Variants in ROR1 observed in about 807,000 individuals in gnomAD.
ROR1 encodes the protein ROR family WNT receptor 1.
Under a neutral mutation model 78.8 loss-of-function variants are expected in ROR1, and 19 were observed. That is an observed-to-expected ratio of 0.24 (90% CI 0.17 to 0.35). The LOEUF (loss-of-function observed/expected upper bound fraction) is 0.35. Ranked by LOEUF, ROR1 falls within the 10% of genes least tolerant of loss-of-function variation. The pLI, the probability that ROR1 is intolerant of heterozygous loss-of-function variation, is 1.00. For synonymous variants in ROR1, 386 were observed against 433.6 expected (o/e 0.89, Z 1.36); for missense variants, 917 against 1,177.8 (o/e 0.78, Z 3.24).
chr1:63,903,366 C>T (rs1645501217), intron 1 of ROR1, among the ~76,000 whole-genome samples: 1 of 151,892 alleles, frequency 6.6e-6, no homozygotes. Flanking sequence ...CCCTTCCACT[C>T]CCACTTGATG....
intron 1 of ROR1, among the ~76,000 whole-genome samples, chr1:63,798,432 G>GGGA (rs1002806348): frequency 2.6e-5 from 4 of 152,052 alleles, no homozygotes; most frequent in Admixed American, 1.3e-4. Flanking sequence ...CAGTTTTTGG[G>GGGA]GGAGGAGGAG....
intron 1 of ROR1, among the ~76,000 whole-genome samples, chr1:63,883,986 C>A (rs1645340414): frequency 6.6e-6 from 1 of 152,178 alleles, no homozygotes; most frequent in South Asian, 2.1e-4. Flanking sequence ...CACCTGTTTA[C>A]ATTGCCAAGC....
intron 1 of ROR1, among the ~76,000 whole-genome samples, chr1:63,850,069 T>C (rs1334747754): frequency 6.6e-5 from 10 of 152,262 alleles, no homozygotes; most frequent in Admixed American, 5.9e-4. Context: ...TGTGCATAAA[T>C]GCACTGAGTG....
chr1:63,882,477 A>G (rs662986), intron 1 of ROR1, among the ~76,000 whole-genome samples: 135,083 of 152,208 alleles, frequency 0.89, 60,554 homozygotes, highest in East Asian at 1. Flanking sequence ...AGAAGACACA[A>G]TGTTTGGAAG....
At chr1:63,860,870 T>A (rs1158350684) in intron 1 of ROR1, among the ~76,000 whole-genome samples, 1 of 151,538 alleles carries the variant, frequency 6.6e-6, no homozygotes, top group Non-Finnish European at 1.5e-5. Flanking sequence ...TGTTTTTGAG[T>A]AAAAGAAATA....
chr1:64,084,787 A>G (rs183315717), intron 4 of ROR1, among the ~76,000 whole-genome samples: 275 of 152,310 alleles, frequency 1.8e-3, no homozygotes, highest in African/African-American at 6.2e-3. Flanking sequence ...GCTGACTTTG[A>G]AGTATAATTT....
intron 8 of ROR1, among the ~76,000 whole-genome samples, chr1:64,173,612 T>C (rs1053193143): frequency 6.6e-6 from 1 of 152,234 alleles, no homozygotes; most frequent in African/African-American, 2.4e-5. Flanking sequence ...CTGAAAATTC[T>C]TGATACTTTC....
At position 64,142,976 on chromosome 1, in the gene ROR1, T is replaced by C. The variant is rs367805478; in HGVS notation, c.1174+326T>C. 1.5e-4 allele frequency: 170 copies of C among 1,124,664 alleles called. 1 individual carries two copies. In the African/African-American group the frequency reaches 2.3e-3, roughly 15 times the overall value. The allele number at this position is 1,124,664 out of a possible 1,614,324, so 69.7% of individuals were successfully genotyped here. ...AAGATGTTACCCAGAATGGTCTGCG[T>C]CCAAGTGGACCTTTTCAGCAAAAAA... On this transcript the variant is annotated intron_variant, in intron 7 of 8. Transcript: ENST00000371079.
chr1:63,946,880 C>T (rs773693868), intron 1 of ROR1, among the ~76,000 whole-genome samples: 1 of 152,148 alleles, frequency 6.6e-6, no homozygotes, highest in Non-Finnish European at 1.5e-5. Context: ...CCACCACATG[C>T]CTGGCTCCTA....
intron 4 of ROR1, among the ~76,000 whole-genome samples, chr1:64,132,282 C>A (rs1452819141): frequency 6.6e-6 from 1 of 152,134 alleles, no homozygotes; most frequent in Non-Finnish European, 1.5e-5. Flanking sequence ...TATCTACCAC[C>A]TTTTGTCTAT....
intron 1 of ROR1, among the ~76,000 whole-genome samples, chr1:63,835,822 T>C (rs1169758112): frequency 6.6e-6 from 1 of 152,236 alleles, no homozygotes; most frequent in East Asian, 1.9e-4. Flanking sequence ...TTTTTGCAAG[T>C]ATTCAGATCT....
intron 8 of ROR1, among the ~76,000 whole-genome samples, chr1:64,168,458 T>A (rs1475381261): frequency 6.6e-6 from 1 of 152,202 alleles, no homozygotes; most frequent in African/African-American, 2.4e-5. Context: ...ATTACAGATA[T>A]CTAGGATAGG....
chr1:63,985,858 A>G (rs1229584185), intron 1 of ROR1, among the ~76,000 whole-genome samples: 1 of 152,126 alleles, frequency 6.6e-6, no homozygotes, highest in Non-Finnish European at 1.5e-5. Context: ...TTGTATGCAA[A>G]TATTCTAAAA....
intron 1 of ROR1, among the ~76,000 whole-genome samples, chr1:63,934,897 G>A (rs1645782494): frequency 6.6e-6 from 1 of 151,928 alleles, no homozygotes; most frequent in African/African-American, 2.4e-5. Flanking sequence ...ATCCCACATT[G>A]TAAATTATTT....
intron 2 of ROR1, among the ~76,000 whole-genome samples, chr1:64,015,452 A>G (rs1235449587): frequency 6.6e-6 from 1 of 152,116 alleles, no homozygotes; most frequent in East Asian, 1.9e-4. Flanking sequence ...ATCAAGGCCT[A>G]TGACCAGGTT....
chr1:64,180,724 A>G lies in ROR1; in HGVS notation c.*1869A>G, dbSNP rs1011537621. The G allele has an allele frequency of 6.6e-6, 1 of 152,206 alleles. No individual in the cohort carries two copies. Among genetic ancestry groups the G allele is most frequent in the Non-Finnish European group, 1.5e-5 (1 of 67,998 alleles). 9.4% of individuals were successfully genotyped at this position (152,206 alleles called of 1,614,324 possible). Reference sequence around the variant, plus strand: ...TTCAAACCACAATTTTGTATATCATATGACAATCAATTGTTTTCCAAGAAT... The same window carrying G: ...TTCAAACCACAATTTTGTATATCATGTGACAATCAATTGTTTTCCAAGAAT... On this transcript the variant is annotated 3_prime_UTR_variant, in exon 9 of 9. Transcript: ENST00000371079.
chr1:63,971,031 T>A (rs1646115778), intron 1 of ROR1, among the ~76,000 whole-genome samples: 2 of 152,308 alleles, frequency 1.3e-5, no homozygotes, highest in Admixed American at 1.3e-4. Context: ...TCAGACAGTA[T>A]CCCTGGTTGC....
At chr1:63,847,694 T>A (rs960566397) in intron 1 of ROR1, among the ~76,000 whole-genome samples, 2 of 152,188 alleles carry the variant, frequency 1.3e-5, no homozygotes, top group African/African-American at 4.8e-5. Flanking sequence ...ATATGTGAAT[T>A]AAAGAAAACA....
At position 64,140,244 on chromosome 1, in the gene ROR1, G is replaced by A. The variant is rs772790687; in HGVS notation, c.746G>A (p.Arg249His). The A allele has an allele frequency of 1.5e-5, 24 of 1,613,962 alleles. No individual in the cohort carries two copies. The highest frequency in any genetic ancestry group is 8.8e-5 in the South Asian group (8 of 91,074). Reference protein sequence around the residue: ...SSVPKPRDLCRDECEILENVL... With the variant: ...SSVPKPRDLCHDECEILENVL... ...GTCCCAAAGCCCCGTGACTTGTGTC[G>A]CGATGAATGTGAAATCCTGGAGAAT... Residue 249 changes from arginine to histidine, a missense_variant, in exon 6 of 9, where the codon CGC (arginine) becomes CAC (histidine). Coordinates refer to ENST00000371079, the MANE Select transcript of ROR1 (RefSeq NM_005012.4).
Sources: gnomAD v4.1 joint callset for allele counts (sites outside exome capture counted in the v4.1 genomes callset) on GRCh38, gnomAD v4.1.1 for gene constraint, MANE v1.5 for transcripts, NCBI Gene and HGNC (gene_info 2026-07-23, HGNC 2026-07-21) for gene names.